The following CYRIA variants were observed in gnomAD, a reference collection of about 807,000 sequenced individuals.
The protein encoded by CYRIA is CYFIP-related Rac1 interactor A.
Under a neutral mutation model 43.9 loss-of-function variants are expected in CYRIA, and 15 were observed. The observed-to-expected ratio is 0.34, with a 90% CI of 0.23 to 0.53. The LOEUF is 0.53. Among genes scored for constraint, CYRIA ranks in the 20% least tolerant of loss-of-function variants. The probability of loss-of-function intolerance (pLI) is 0.94; values close to 1 mark genes in which losing one functional copy is unlikely to be tolerated. For missense variants in CYRIA, 236 were observed against 394.2 expected (o/e 0.60, Z 3.40); for synonymous variants, 117 against 136.0 (o/e 0.86, Z 0.97).
intron 2 of CYRIA, among the ~76,000 whole-genome samples, chr2:16,619,853 C>A (rs1668938421): frequency 6.6e-6 from 1 of 152,312 alleles, no homozygotes; most frequent in African/African-American, 2.4e-5. Context: ...TTATAGAGTG[C>A]AGTTCTGTAC....
At chr2:16,640,216 C>A (rs994597798) in intron 1 of CYRIA, among the ~76,000 whole-genome samples, 1 of 152,234 alleles carries the variant, frequency 6.6e-6, no homozygotes, top group African/African-American at 2.4e-5. Context: ...GACTAGATAG[C>A]AGCACTTTTA....
At chr2:16,646,043 A>C (rs1415464236) in intron 1 of CYRIA, among the ~76,000 whole-genome samples, 1 of 152,262 alleles carries the variant, frequency 6.6e-6, no homozygotes, top group Non-Finnish European at 1.5e-5. Context: ...CAGGCAATGC[A>C]GTATGACCAG....
At chr2:16,619,396 T>TAC (rs975365068) in intron 2 of CYRIA, among the ~76,000 whole-genome samples, 2 of 151,892 alleles carry the variant, frequency 1.3e-5, no homozygotes, top group Admixed American at 1.3e-4. Context: ...TATATATATA[T>TAC]ACACACACAC....
chr2:16,655,149 C>A (rs1330616647), intron 1 of CYRIA, among the ~76,000 whole-genome samples: 1 of 152,132 alleles, frequency 6.6e-6, no homozygotes, highest in Non-Finnish European at 1.5e-5. Context: ...ACTCGCTCGC[C>A]CCAAGTGATG....
At position 16,574,516 on chromosome 2, in the gene CYRIA, GGCCTGGAAGCCTA is replaced by G. The variant is rs1289710270; in HGVS notation, c.71-8762_71-8750del. Among the ~76,000 whole-genome samples the G allele has an allele frequency of 6.6e-5, 10 of 152,218 alleles. No homozygotes were observed. The South Asian group carries it at 1.0e-3, about 16-fold the overall frequency. On this transcript the variant is annotated intron_variant, in intron 3 of 11. Coordinates refer to ENST00000381323, the MANE Select transcript of CYRIA (RefSeq NM_030797.4). Reference sequence around the variant, plus strand: ...TATGTCAGAGAACTTTCCCATTACAGGCCTGGAAGCCTAGGAGGAAAAAATGGTTTTGCGGGCC... The same window carrying G: ...TATGTCAGAGAACTTTCCCATTACAGGGAGGAAAAAATGGTTTTGCGGGCC...
intron 2 of CYRIA, among the ~76,000 whole-genome samples, chr2:16,617,195 A>C (rs6710674): frequency 0.68 from 102,954 of 152,084 alleles, 35,214 homozygotes; most frequent in East Asian, 0.79. Flanking sequence ...AGCTGAGGTA[A>C]GAGAAATGAG....
At chr2:16,638,916 T>C (rs1376631777) in intron 1 of CYRIA, among the ~76,000 whole-genome samples, 1 of 152,170 alleles carries the variant, frequency 6.6e-6, no homozygotes, top group Non-Finnish European at 1.5e-5. Context: ...GTGCCCTCCA[T>C]ATCTCAAAAG....
At chr2:16,567,670 G>T (rs534898690) in intron 3 of CYRIA, among the ~76,000 whole-genome samples, 90 of 152,180 alleles carry the variant, frequency 5.9e-4, no homozygotes, top group Non-Finnish European at 1.1e-3. Flanking sequence ...CCTAAGAAAT[G>T]AAGAGTGAAA....
chr2:16,624,257 C>T (rs1008340314), intron 1 of CYRIA, among the ~76,000 whole-genome samples: 12 of 152,248 alleles, frequency 7.9e-5, no homozygotes, highest in Admixed American at 1.3e-4. Flanking sequence ...CACATTGGAA[C>T]ATGTCTCTGA....
chr2:16,588,391 G>A (rs948088351), intron 2 of CYRIA, among the ~76,000 whole-genome samples: 16 of 150,746 alleles, frequency 1.1e-4, no homozygotes, highest in African/African-American at 3.9e-4. Flanking sequence ...AATCTCTCTC[G>A]AGAGAATACA....
chr2:16,553,457 A>T (rs1308965337), intron 11 of CYRIA, among the ~76,000 whole-genome samples: 2 of 152,142 alleles, frequency 1.3e-5, no homozygotes, highest in Non-Finnish European at 1.5e-5. Flanking sequence ...AAGCAAACCC[A>T]CAAAAATGGT....
In CYRIA at chr2:16,662,831, A is replaced by G. The variant is rs191405601; in HGVS notation, c.-167+2949T>C. Among the ~76,000 whole-genome samples, 58 of 152,324 alleles carry G rather than the reference A, an allele frequency of 3.8e-4. No individual in the cohort carries two copies. The East Asian group carries it at 0.011, about 28-fold the overall frequency. On this transcript the variant is annotated intron_variant, in intron 1 of 11. Coordinates refer to ENST00000381323, the MANE Select transcript of CYRIA (RefSeq NM_030797.4). ...AGTCAAGTGGCCACCTCTGGGCCCTACATCAGCCTGCCCTTCCTTTTATCA... is the reference window on the plus strand; with the variant it reads ...AGTCAAGTGGCCACCTCTGGGCCCTGCATCAGCCTGCCCTTCCTTTTATCA...
At chr2:16,565,788 G>C (rs756792640) in intron 3 of CYRIA, 21 bp from the exon 4 acceptor site, 1 of 1,544,128 alleles carries the variant, frequency 6.5e-7, no homozygotes, top group South Asian at 1.2e-5. Context: ...GGGAAACCGA[G>C]AGACAGAGTG....
intron 2 of CYRIA, among the ~76,000 whole-genome samples, chr2:16,610,801 CATTTT>C (rs948797919): frequency 1.3e-5 from 2 of 150,688 alleles, no homozygotes; most frequent in Non-Finnish European, 3.0e-5. Flanking sequence ...TTTCACTTCC[CATTTT>C]ATTCAATTCT....
chr2:16,602,530 G>A (rs140184129), intron 2 of CYRIA, among the ~76,000 whole-genome samples: 45 of 152,114 alleles, frequency 3.0e-4, no homozygotes, highest in Admixed American at 1.8e-3. Context: ...CCCATTTTAC[G>A]GGTATAAGAA....
chr2:16,555,284 C>T (rs1666466406), intron 10 of CYRIA, 145 bp from the exon 11 acceptor site: 1 of 734,112 alleles, frequency 1.4e-6, no homozygotes, highest in Non-Finnish European at 2.3e-6. Context: ...TTTTCCTACC[C>T]CCTCAGGCTG....
intron 1 of CYRIA, among the ~76,000 whole-genome samples, chr2:16,631,776 A>T (rs1330125352): frequency 6.6e-6 from 1 of 152,216 alleles, no homozygotes; most frequent in Admixed American, 6.5e-5. Flanking sequence ...ACGGTATGTT[A>T]CAGAGGTTCT....
At chr2:16,602,705 C>T (rs1421152663) in intron 2 of CYRIA, among the ~76,000 whole-genome samples, 1 of 151,942 alleles carries the variant, frequency 6.6e-6, no homozygotes, top group Non-Finnish European at 1.5e-5. Flanking sequence ...AAGAATGGGT[C>T]CAAGAATCCA....
chr2:16,647,585 G>A (rs1669853806), intron 1 of CYRIA, among the ~76,000 whole-genome samples: 1 of 152,156 alleles, frequency 6.6e-6, no homozygotes, highest in Admixed American at 6.5e-5. Context: ...ACAAGGCCCT[G>A]CAGGTCCAGT....
Sources: allele counts gnomAD v4.1 joint callset (sites outside exome capture counted in the v4.1 genomes callset), GRCh38; gene constraint gnomAD v4.1.1; transcripts MANE v1.5; gene names NCBI Gene and HGNC (gene_info 2026-07-23, HGNC 2026-07-21).